The following AUTS2 variants were observed in gnomAD, a reference collection of about 807,000 sequenced individuals.
The protein encoded by AUTS2 is autism susceptibility gene 2 protein.
In AUTS2, 17 loss-of-function variants were observed where a neutral mutation model predicts 112.4. The ratio of observed to expected loss-of-function variants is 0.15; its 90% CI spans 0.10 to 0.23. The LOEUF is 0.23. Ranked by LOEUF, AUTS2 falls within the 10% of genes least tolerant of loss-of-function variation. The pLI is 1.00. For synonymous variants in AUTS2, 751 were observed against 702.7 expected, an observed-to-expected ratio of 1.07 and a Z score of -1.09; for missense variants, 1,510 against 1,701.6, an observed-to-expected ratio of 0.89 and a Z score of 1.98.
Position 69,883,310 on chromosome 7 carries a change from A to C in AUTS2, c.310-15976A>C, listed in dbSNP as rs138249516. On this transcript the variant is annotated intron_variant, in intron 1 of 18. Transcript: ENST00000342771. ...TTTTTTTTTTTTTTCTTTAGCAGGC[A>C]GGAAGATATTCTTATTCCCAAAGAA... 8.8e-3 allele frequency among the ~76,000 whole-genome samples: 1,320 copies of C among 149,228 alleles called. 11 individuals are homozygous for C. The highest frequency in any genetic ancestry group is 0.028 in the Middle Eastern group (8 of 288).
At chr7:70,300,313 C>T (rs185196538) in intron 4 of AUTS2, among the ~76,000 whole-genome samples, 1 of 152,196 alleles carries the variant, frequency 6.6e-6, no homozygotes, top group South Asian at 2.1e-4. Context: ...GGGCCACATT[C>T]AGAGCTGTCC....
intron 2 of AUTS2, among the ~76,000 whole-genome samples, chr7:70,107,645 C>T (rs1804842396): frequency 6.7e-6 from 1 of 150,312 alleles, no homozygotes; most frequent in South Asian, 2.1e-4. Context: ...CCTGGCCTCA[C>T]AATTAAGTTT....
rs1411478032 is a variant in AUTS2 at position 70,694,912 on chromosome 7, A to T, written c.691-3657A>T. The T allele has an allele frequency of 2.0e-5, 3 of 152,274 alleles. No individual in the cohort carries two copies. The East Asian group carries it at 5.9e-4, about 30-fold the overall frequency. The allele number at this position is 152,274 out of a possible 1,614,324, so 9.4% of individuals were successfully genotyped here. A position where few individuals can be genotyped will look rare whatever the true frequency, so the allele number is the denominator to read the frequency against. ...GACTCTTGTGGACAGAGCCGGGTCG[A>T]GAGTTGGGCGTTTTCTCTTCGTGTG... is the stretch of plus-strand genomic sequence containing the variant. On this transcript the variant is annotated intron_variant, in intron 5 of 18. Coordinates refer to ENST00000342771, the MANE Select transcript of AUTS2 (RefSeq NM_015570.4). The surrounding 1 kb of genome is among the most constrained non-coding windows in gnomAD (Gnocchi z 4.1).
intron 1 of AUTS2, among the ~76,000 whole-genome samples, chr7:69,770,453 G>A (rs183605183): frequency 1.6e-3 from 239 of 152,244 alleles, no homozygotes; most frequent in Non-Finnish European, 2.7e-3. Context: ...TGGAGGCGCC[G>A]CAGTGGGAGC....
intron 2 of AUTS2, among the ~76,000 whole-genome samples, chr7:70,116,198 G>A (rs1805348871): frequency 6.6e-6 from 1 of 152,172 alleles, no homozygotes; most frequent in Non-Finnish European, 1.5e-5. Flanking sequence ...AGCTCAGGAA[G>A]GATACAAAGT....
intron 2 of AUTS2, among the ~76,000 whole-genome samples, chr7:70,108,389 A>G (rs1381607928): frequency 2.0e-5 from 3 of 152,180 alleles, no homozygotes; most frequent in African/African-American, 7.2e-5. Context: ...TCCAGAAACA[A>G]AGTTTTAAAA....
intron 18 of AUTS2, 83 bp from the exon 19 acceptor site, chr7:70,789,665 C>A: frequency 6.7e-7 from 1 of 1,498,088 alleles, no homozygotes; most frequent in South Asian, 1.3e-5. Flanking sequence ...CTCTTCACAC[C>A]ACCATTTCAC....
chr7:70,583,989 T>C (rs1333866632), intron 5 of AUTS2, among the ~76,000 whole-genome samples: 8 of 152,370 alleles, frequency 5.3e-5, no homozygotes, highest in Middle Eastern at 3.4e-3. Flanking sequence ...ATGCTGCAAG[T>C]GCCTCCATTA....
At position 69,643,113 on chromosome 7, in the gene AUTS2, G is replaced by C. The variant is rs753307586; in HGVS notation, c.309+43151G>C. Among the ~76,000 whole-genome samples the C allele has an allele frequency of 2.3e-4, 35 of 152,296 alleles. No homozygotes were observed. The Middle Eastern group carries it at 0.024, about 104-fold the overall frequency. On this transcript the variant is annotated intron_variant, in intron 1 of 18. Transcript: ENST00000342771. ...AGGGACTTAATGTTTTTGCTGGCTAGGGGCTGCCCTTTGCTCCTTGAGGCC... is the reference window on the plus strand; with the variant it reads ...AGGGACTTAATGTTTTTGCTGGCTACGGGCTGCCCTTTGCTCCTTGAGGCC...
chr7:70,076,596 AT>A (rs528583695), intron 2 of AUTS2, among the ~76,000 whole-genome samples: 2 of 152,162 alleles, frequency 1.3e-5, no homozygotes, highest in Non-Finnish European at 2.9e-5. Context: ...TGATTCAATT[AT>A]GTCAATATTT....
chr7:70,745,559 A>G (rs1438489322), intron 6 of AUTS2, among the ~76,000 whole-genome samples: 1 of 152,190 alleles, frequency 6.6e-6, no homozygotes, highest in Non-Finnish European at 1.5e-5. Context: ...TTCTATGCAC[A>G]TAAAAGTGTG....
At chr7:70,014,688 G>C (rs117938532) in intron 2 of AUTS2, among the ~76,000 whole-genome samples, 1 of 152,140 alleles carries the variant, frequency 6.6e-6, no homozygotes, top group South Asian at 2.1e-4. Context: ...GTGCATTCAC[G>C]TAGACATGCA....
At chr7:69,671,519 G>C (rs1009982711) in intron 1 of AUTS2, among the ~76,000 whole-genome samples, 1 of 149,760 alleles carries the variant, frequency 6.7e-6, no homozygotes, top group South Asian at 2.1e-4. Context: ...GTGTGTGTGT[G>C]TGTGTCTGTG....
intron 4 of AUTS2, among the ~76,000 whole-genome samples, chr7:70,246,147 G>A (rs1419098142): frequency 6.6e-6 from 1 of 151,984 alleles, no homozygotes; most frequent in Non-Finnish European, 1.5e-5. Flanking sequence ...CCTAAGTTAT[G>A]GTTTATCAGC....
chr7:70,277,958 A>ATG (rs35350185), intron 4 of AUTS2, among the ~76,000 whole-genome samples: 4,131 of 92,248 alleles, frequency 0.045, 70 homozygotes, highest in Middle Eastern at 0.053. Flanking sequence ...GTATGTATGT[A>ATG]TGTGTGTGTG....
chr7:70,214,729 T>C (rs544049682), intron 4 of AUTS2, among the ~76,000 whole-genome samples: 1 of 152,236 alleles, frequency 6.6e-6, no homozygotes. Context: ...GTTTCTGGAA[T>C]GGTCACTTCG....
At position 70,640,507 on chromosome 7, in the gene AUTS2, C is replaced by T. The variant is rs115140717; in HGVS notation, c.691-58062C>T. 5.4e-3 allele frequency among the ~76,000 whole-genome samples: 811 copies of T among 150,574 alleles called. 8 individuals are homozygous for T. The highest frequency in any genetic ancestry group is 0.019 in the African/African-American group (765 of 40,870). On this transcript the variant is annotated intron_variant, in intron 5 of 18. Transcript: ENST00000342771. ...TAGGCTAATAGAAACTGGAAGTCAGCGCAGACATCCCAGGATGCACTAGAA... is the reference window on the plus strand; with the variant it reads ...TAGGCTAATAGAAACTGGAAGTCAGTGCAGACATCCCAGGATGCACTAGAA...
chr7:70,241,949 G>A (rs1812637335), intron 4 of AUTS2, among the ~76,000 whole-genome samples: 2 of 152,172 alleles, frequency 1.3e-5, no homozygotes, highest in African/African-American at 4.8e-5. Context: ...TGAAGTGGTA[G>A]GAAGTTTGCC....
At chr7:70,530,927 C>T (rs761489732) in intron 5 of AUTS2, among the ~76,000 whole-genome samples, 3 of 152,120 alleles carry the variant, frequency 2.0e-5, no homozygotes, top group East Asian at 3.9e-4. Flanking sequence ...TTGAGGGCAT[C>T]GTTGGATGCC....
Sources: gnomAD v4.1 joint callset for allele counts (sites outside exome capture counted in the v4.1 genomes callset) on GRCh38, gnomAD v4.1.1 for gene constraint, Gnocchi (gnomAD v3.1) non-coding constraint, MANE v1.5 for transcripts, NCBI Gene and HGNC (gene_info 2026-07-23, HGNC 2026-07-21) for gene names.